Variants in RANBP2 observed in about 807,000 individuals in gnomAD.
RANBP2 encodes the protein E3 SUMO-protein ligase RanBP2.
RANBP2 carries 57 observed loss-of-function variants against 303.6 expected under a neutral mutation model. The ratio of observed to expected loss-of-function variants is 0.19; its 90% CI spans 0.15 to 0.23. The LOEUF is 0.23. Among genes scored for constraint, RANBP2 ranks in the 10% least tolerant of loss-of-function variants. The pLI, the probability that RANBP2 is intolerant of heterozygous loss-of-function variation, is 1.00. For synonymous variants in RANBP2, 1,167 were observed against 1,301.5 expected (o/e 0.90, Z 2.23); for missense variants, 3,138 against 3,780.8 (o/e 0.83, Z 4.46).
At chr2:109,568,090 CG>C in the RANBP2 span, 7 of 795,780 alleles carry the variant, frequency 8.8e-6, no homozygotes, top group Non-Finnish European at 1.4e-5. Context: ...AAACCTAGAT[CG>C]GGGGGCTGGC....
chr2:109,488,710 T>C, the RANBP2 span, among the ~76,000 whole-genome samples: 1 of 152,174 alleles, frequency 6.6e-6, no homozygotes, highest in Non-Finnish European at 1.5e-5. Context: ...AGAACTAGAC[T>C]CGGGAAACAC....
the RANBP2 span, among the ~76,000 whole-genome samples, chr2:109,439,824 G>C: frequency 6.6e-6 from 1 of 152,062 alleles, no homozygotes; most frequent in Non-Finnish European, 1.5e-5. Context: ...TTCCACCCCG[G>C]TTAGAGAGAA....
chr2:109,156,334 G>A, the RANBP2 span, among the ~76,000 whole-genome samples: 1 of 152,192 alleles, frequency 6.6e-6, no homozygotes, highest in Non-Finnish European at 1.5e-5. Context: ...TGCTGGGACT[G>A]TGCTTTCTCT....
At position 108,766,703 on chromosome 2, in the gene RANBP2, G is replaced by A; in HGVS notation, c.6164G>A (p.Arg2055Lys). 1.2e-6 allele frequency: 2 copies of A among 1,612,006 alleles called. No individual in the cohort carries two copies. Among genetic ancestry groups the A allele is most frequent in the Non-Finnish European group, 1.7e-6 (2 of 1,179,846 alleles). The change falls in exon 20 of 29, where the codon AGG becomes AAG. Residue 2055 changes from arginine to lysine, a missense_variant. Physicochemically the swap from Arg to Lys is conservative, Grantham distance 26 (BLOSUM62 2). Transcript: ENST00000283195. ...FDAEVSQWKE[R>K]GLGNLKILKN... ...GCTGAGGTAAGTCAGTGGAAAGAAA[G>A]GGGCTTGGGGAACTTAAAAATTCTC...
At chr2:108,846,912 C>G in the RANBP2 span, 18 of 1,600,624 alleles carry the variant, frequency 1.1e-5, no homozygotes, top group Non-Finnish European at 1.5e-5. Flanking sequence ...CTTAATTGTT[C>G]TCAAAACAGT....
the RANBP2 span, among the ~76,000 whole-genome samples, chr2:108,974,557 C>T: frequency 6.6e-6 from 1 of 151,004 alleles, no homozygotes; most frequent in African/African-American, 2.4e-5. Context: ...TGATGAAACC[C>T]CATCTCTACT....
chr2:109,096,008 G>A, the RANBP2 span, among the ~76,000 whole-genome samples: 1 of 152,132 alleles, frequency 6.6e-6, no homozygotes, highest in African/African-American at 2.4e-5. Context: ...GGAAAGCTGA[G>A]TCTCCTACCA....
the RANBP2 span, among the ~76,000 whole-genome samples, chr2:109,171,522 G>A: frequency 1.3e-5 from 2 of 152,246 alleles, no homozygotes; most frequent in African/African-American, 4.8e-5. Context: ...TATGGTCAGC[G>A]CTGTGGCTTC....
chr2:109,708,447 C>T, the RANBP2 span, among the ~76,000 whole-genome samples: 2 of 151,042 alleles, frequency 1.3e-5, no homozygotes, highest in Non-Finnish European at 2.9e-5. Flanking sequence ...CTCTTGAGTC[C>T]AGGAGTTCAA....
At chr2:109,242,070 G>T in the RANBP2 span, among the ~76,000 whole-genome samples, 1,209 of 152,104 alleles carry the variant, frequency 7.9e-3, 13 homozygotes, top group African/African-American at 0.028. Flanking sequence ...GTAGACGGGG[G>T]TGTCATAGGT....
Position 108,735,775 on chromosome 2 carries a change from T to TA in RANBP2, c.636+14dup. ...ACAGACCCTTAAGGTAGATAAAAGC[T>TA]ATTGGGTCTTTACATTTCTATGTAG... On this transcript the variant is annotated intron_variant, in intron 5 of 28. Transcript: ENST00000283195. 2 of 1,597,602 alleles carry TA rather than the reference T, an allele frequency of 1.3e-6. No homozygotes were observed. The highest frequency in any genetic ancestry group is 1.7e-6 in the Non-Finnish European group (2 of 1,179,784).
chr2:108,763,114 C>A, intron 19 of RANBP2, 123 bp from the exon 20 acceptor site: 1 of 1,144,374 alleles, frequency 8.7e-7, no homozygotes, highest in Non-Finnish European at 1.3e-6. Flanking sequence ...ATGTGTACTA[C>A]ATCCCCTAAT....
the RANBP2 span, among the ~76,000 whole-genome samples, chr2:109,644,832 T>C: frequency 6.6e-6 from 1 of 152,150 alleles, no homozygotes; most frequent in African/African-American, 2.4e-5. Flanking sequence ...TGCTTGTCAA[T>C]ATTTGCTTTC....
chr2:108,742,498 G>T (rs1423021253), intron 7 of RANBP2, among the ~76,000 whole-genome samples: 3 of 151,682 alleles, frequency 2.0e-5, no homozygotes, highest in South Asian at 2.1e-4. Context: ...TAGAGACGGG[G>T]TTTCACCATG....
At chr2:109,325,038 G>A in the RANBP2 span, among the ~76,000 whole-genome samples, 1 of 128,844 alleles carries the variant, frequency 7.8e-6, no homozygotes, top group African/African-American at 2.5e-5. Context: ...TTTTTAAAAT[G>A]TGTGTGGTTT....
chr2:109,018,082 A>G, the RANBP2 span, among the ~76,000 whole-genome samples: 1 of 152,206 alleles, frequency 6.6e-6, no homozygotes, highest in Admixed American at 6.5e-5. Context: ...TGCACCAGGA[A>G]GCATTTTCTT....
At chr2:109,641,842 G>A in the RANBP2 span, among the ~76,000 whole-genome samples, 1 of 152,070 alleles carries the variant, frequency 6.6e-6, no homozygotes, top group Non-Finnish European at 1.5e-5. Flanking sequence ...TTTCACTCTT[G>A]TTGCCCAGGC....
the RANBP2 span, among the ~76,000 whole-genome samples, chr2:109,741,211 C>G: frequency 7.2e-6 from 1 of 139,414 alleles, no homozygotes; most frequent in South Asian, 2.5e-4. Context: ...TACACCATGA[C>G]CAAGTGGGAC....
the RANBP2 span, among the ~76,000 whole-genome samples, chr2:109,140,220 A>T: frequency 6.6e-6 from 1 of 152,198 alleles, no homozygotes; most frequent in African/African-American, 2.4e-5. Context: ...ACGTGGTTGC[A>T]TGTGGTTGAC....
Sources: gnomAD v4.1 joint callset for allele counts (sites outside exome capture counted in the v4.1 genomes callset) on GRCh38, gnomAD v4.1.1 for gene constraint, MANE v1.5 for transcripts, NCBI Gene and HGNC (gene_info 2026-07-23, HGNC 2026-07-21) for gene names.